The following TRMT9B variants were observed in gnomAD, a reference collection of about 807,000 sequenced individuals.
TRMT9B encodes the protein probable tRNA methyltransferase 9B.
In TRMT9B, 16 loss-of-function variants were observed where a neutral mutation model predicts 11.5. That is an observed-to-expected ratio of 1.39 (90% CI 0.94 to 2.11). The LOEUF (loss-of-function observed/expected upper bound fraction) is 2.11, where lower values mean the gene tolerates loss of function less well. Ranked by LOEUF, TRMT9B falls within the 30% of genes most tolerant of loss-of-function variation. TRMT9B has a pLI of 0.00. For synonymous variants in TRMT9B, 274 were observed against 192.4 expected, an observed-to-expected ratio of 1.42 and a Z score of -3.51; for missense variants, 941 against 553.8, an observed-to-expected ratio of 1.70 and a Z score of -7.02.
At position 13,023,076 on chromosome 8, in the gene TRMT9B, A is replaced by G; in HGVS notation, c.*1032A>G. 1 of 167,244 alleles carries G rather than the reference A, an allele frequency of 6.0e-6. No individual in the cohort carries two copies. The allele number at this position is 167,244 out of a possible 1,614,324, so 10.4% of individuals were successfully genotyped here. A position where few individuals can be genotyped will look rare whatever the true frequency, so the allele number is the denominator to read the frequency against. ...AGTTATATGCAAGTACCCAAGTGGT[A>G]TTCTTCCAATCTTATTAGAAGCATG... On this transcript the variant is annotated 3_prime_UTR_variant, in exon 5 of 5. Transcript: ENST00000524591.
chr8:13,014,368 G>C (rs981889662), intron 4 of TRMT9B, among the ~76,000 whole-genome samples: 1 of 152,176 alleles, frequency 6.6e-6, no homozygotes, highest in African/African-American at 2.4e-5. Context: ...TCTGAGATCA[G>C]GGTGCCAGCA....
intron 3 of TRMT9B, chr8:13,012,113 G>A: frequency 1.0e-6 from 1 of 985,496 alleles, no homozygotes; most frequent in Non-Finnish European, 1.2e-6. Context: ...TTGCGCCAGT[G>A]TACTGAGCCC....
intron 1 of TRMT9B, among the ~76,000 whole-genome samples, chr8:12,948,217 T>A (rs1358015757): frequency 6.6e-6 from 1 of 152,066 alleles, no homozygotes; most frequent in African/African-American, 2.4e-5. Flanking sequence ...GGCAAAACCA[T>A]CTAAGACAAA....
chr8:12,956,843 C>CT (rs1220187656), intron 1 of TRMT9B, among the ~76,000 whole-genome samples: 1 of 152,078 alleles, frequency 6.6e-6, no homozygotes, highest in Non-Finnish European at 1.5e-5. Context: ...TGTCAGATTC[C>CT]TTTTTTTCCA....
intron 3 of TRMT9B, chr8:13,012,412 C>G (rs1196330358): frequency 8.8e-6 from 4 of 456,184 alleles, no homozygotes; most frequent in Non-Finnish European, 1.2e-5. Flanking sequence ...CCCGTCTCTA[C>G]TAAAAATACA....
At chr8:13,015,557 T>A (rs1467281532) in intron 4 of TRMT9B, among the ~76,000 whole-genome samples, 2 of 122,060 alleles carry the variant, frequency 1.6e-5, no homozygotes, top group African/African-American at 6.5e-5. Context: ...GGTTGCCATA[T>A]TGTCCAGGCT....
chr8:12,981,643 A>G (rs1805410299), intron 1 of TRMT9B, among the ~76,000 whole-genome samples: 1 of 151,844 alleles, frequency 6.6e-6, no homozygotes, highest in Admixed American at 6.6e-5. Flanking sequence ...TCTATTGCCC[A>G]GGCTGGAGTG....
chr8:12,963,477 C>T (rs1802412587), intron 1 of TRMT9B, among the ~76,000 whole-genome samples: 1 of 151,986 alleles, frequency 6.6e-6, no homozygotes, highest in Admixed American at 6.6e-5. Flanking sequence ...TGACAGGACA[C>T]AGTGGCTCAT....
At chr8:12,982,441 C>T (rs1022032118) in intron 1 of TRMT9B, among the ~76,000 whole-genome samples, 1 of 152,120 alleles carries the variant, frequency 6.6e-6, no homozygotes, top group East Asian at 1.9e-4. Context: ...GTAGGTGGAT[C>T]ACTTGAGGTC....
At chr8:12,989,149 A>G (rs554915495) in intron 1 of TRMT9B, among the ~76,000 whole-genome samples, 4 of 152,260 alleles carry the variant, frequency 2.6e-5, no homozygotes, top group Middle Eastern at 3.4e-3. Flanking sequence ...TTCCCAGGAA[A>G]ATACACGCAT....
intron 3 of TRMT9B, chr8:13,006,768 A>T (rs966102321): frequency 3.1e-6 from 2 of 637,312 alleles, no homozygotes; most frequent in African/African-American, 3.7e-5. Flanking sequence ...TCCCAGGTTC[A>T]ACTGATTCTC....
At chr8:13,000,992 C>G (rs536577737) in intron 2 of TRMT9B, among the ~76,000 whole-genome samples, 1 of 152,066 alleles carries the variant, frequency 6.6e-6, no homozygotes, top group Non-Finnish European at 1.5e-5. Flanking sequence ...CTATCTAGAG[C>G]CTACATAGGG....
intron 3 of TRMT9B, among the ~76,000 whole-genome samples, chr8:13,008,783 C>T (rs1026830176): frequency 1.3e-5 from 2 of 152,126 alleles, no homozygotes; most frequent in African/African-American, 4.8e-5. Flanking sequence ...GGCTGGAGTG[C>T]AGGGGCGCCA....
chr8:13,021,604 G>T lies in TRMT9B; in HGVS notation c.925G>T (p.Glu309Ter). 13 of 1,613,934 alleles carry T rather than the reference G, an allele frequency of 8.1e-6. No homozygotes were observed. Among genetic ancestry groups the T allele is most frequent in the Non-Finnish European group, 1.1e-5 (13 of 1,179,846 alleles). ...PFSTKGQSLDEEVFVESSSGK... is the reference protein window; with the variant it reads ...PFSTKGQSLD ...TTCAACAAAAGGGCAAAGTTTAGAT[G>T]AGGAAGTGTTTGTGGAATCTTCTTC... Residue 309 changes from glutamate to a stop codon, truncating the protein, a stop_gained, in exon 5 of 5, where the codon GAG becomes TAG. Transcript: ENST00000524591. LOFTEE classifies it low-confidence loss of function (END_TRUNC).
chr8:12,964,968 C>T (rs368556635), intron 1 of TRMT9B, among the ~76,000 whole-genome samples: 18 of 152,098 alleles, frequency 1.2e-4, no homozygotes, highest in East Asian at 1.2e-3. Flanking sequence ...ATATGAAAAC[C>T]GAAAAAATTA....
chr8:13,011,044 A>G (rs1406804492), intron 3 of TRMT9B: 3 of 584,560 alleles, frequency 5.1e-6, no homozygotes, highest in African/African-American at 4.0e-5. Flanking sequence ...GAGTGAGGTG[A>G]TGCTACCCCA....
intron 3 of TRMT9B, among the ~76,000 whole-genome samples, chr8:13,007,936 T>C (rs1326187926): frequency 6.6e-6 from 1 of 152,168 alleles, no homozygotes; most frequent in Non-Finnish European, 1.5e-5. Context: ...ATGATACACA[T>C]ACAAAAAGAA....
intron 1 of TRMT9B, among the ~76,000 whole-genome samples, chr8:12,963,739 A>G (rs1355444077): frequency 6.6e-6 from 1 of 152,156 alleles, no homozygotes; most frequent in Non-Finnish European, 1.5e-5. Flanking sequence ...GCAGAAGAAG[A>G]CCCTGTCTCA....
intron 1 of TRMT9B, among the ~76,000 whole-genome samples, chr8:12,948,777 G>A (rs201531753): frequency 2.0e-5 from 3 of 151,980 alleles, no homozygotes; most frequent in Non-Finnish European, 2.9e-5. Context: ...TGGCTAACAC[G>A]GTGAAACCTC....
Sources: allele counts gnomAD v4.1 joint callset (sites outside exome capture counted in the v4.1 genomes callset), GRCh38; gene constraint gnomAD v4.1.1; transcripts MANE v1.5; gene names NCBI Gene and HGNC (gene_info 2026-07-23, HGNC 2026-07-21).